ARHGAP9: variants seen among roughly 807,000 people sequenced by gnomAD.
ARHGAP9 encodes the protein rho GTPase-activating protein 9.
In ARHGAP9, 76 loss-of-function variants were observed where a neutral mutation model predicts 87.3. That is an observed-to-expected ratio of 0.87 (90% CI 0.72 to 1.05). The LOEUF (loss-of-function observed/expected upper bound fraction) is 1.05, where lower values mean the gene tolerates loss of function less well. Ranked by LOEUF, ARHGAP9 falls within the 50% of genes least tolerant of loss-of-function variation. ARHGAP9 has a pLI of 0.00. For synonymous variants in ARHGAP9, 382 were observed against 394.9 expected (o/e 0.97, Z 0.39); for missense variants, 941 against 960.5 (o/e 0.98, Z 0.27).
At chr12:57,474,808 G>C in intron 13 of ARHGAP9, 67 bp downstream of exon 13, 2 of 1,605,238 alleles carry the variant, frequency 1.2e-6, no homozygotes, top group Non-Finnish European at 1.7e-6. Flanking sequence ...TAGGTAGAAT[G>C]GGGGAGGCAG....
In ARHGAP9 at chr12:57,477,274, G is replaced by T; in HGVS notation, c.757-5C>A. 1 of 1,555,154 alleles carries T rather than the reference G, an allele frequency of 6.4e-7. No homozygotes were observed. Among genetic ancestry groups the T allele is most frequent in the Non-Finnish European group, 8.7e-7 (1 of 1,150,942 alleles). ...CCCCTCCATGGAGCCAGGGTTCTGG[G>T]TTAGGGGAGGAGGAAATAAAGCTAC... is the stretch of plus-strand genomic sequence containing the variant. On this transcript the variant is annotated splice_region_variant and splice_polypyrimidine_tract_variant and intron_variant, in intron 4 of 17. Transcript: ENST00000393791.
chr12:57,480,726 C>G (rs1346061583), upstream of ARHGAP9: 72 of 1,506,870 alleles, frequency 4.8e-5, 3 homozygotes, highest in South Asian at 7.9e-4. Context: ...TGGGAAGTGA[C>G]CTTCCCTGGA....
At position 57,474,466 on chromosome 12, in the gene ARHGAP9, G is replaced by A. The variant is rs1014825714; in HGVS notation, c.1740C>T (p.Val580=). The A allele has an allele frequency of 6.2e-7, 1 of 1,614,016 alleles. No individual in the cohort carries two copies. The highest frequency in any genetic ancestry group is 8.5e-7 in the Non-Finnish European group (1 of 1,180,048). The change falls in exon 15 of 18, where the codon GTC becomes GTT. Residue 580 remains valine (V), a synonymous_variant. Transcript: ENST00000393791. ...GGAACACATACCTCCCATCGGAGGT[G>A]ACCGCACGCTCTGCAACATGAATGA... ...LRFLVDRERA[V]TSDGRYVFPE...
rs1873505295 is a variant in ARHGAP9, at chr12:57,476,016, T to C, written c.1212+55A>G. On this transcript the variant is annotated intron_variant, in intron 9 of 17. Coordinates refer to ENST00000393791, the MANE Select transcript of ARHGAP9 (RefSeq NM_032496.4). ...CCTAGCGGGAGGCCTGCGCGGGAGA[T>C]TGGGGGCGCCCTCGGGTCGGGTGGG... The C allele has an allele frequency of 2.6e-5, 39 of 1,508,378 alleles. 1 individual carries two copies. In the South Asian group the frequency reaches 3.8e-4, roughly 15 times the overall value. 93.4% of individuals were successfully genotyped at this position (1,508,378 alleles called of 1,614,324 possible). A position where few individuals can be genotyped will look rare whatever the true frequency, so the allele number is the denominator to read the frequency against.
intron 17 of ARHGAP9, among the ~76,000 whole-genome samples, chr12:57,472,907 G>A (rs139783654): frequency 3.9e-5 from 6 of 152,260 alleles, no homozygotes; most frequent in African/African-American, 1.2e-4. Flanking sequence ...CGACTTCAGG[G>A]GCTGCCCCAA....
chr12:57,475,817 C>A lies in ARHGAP9; in HGVS notation c.1311+16G>T. Reference sequence around the variant, plus strand: ...CGGCCGGTCGGAGCCTCCCTCCGGGCCTCCACCCATCTAACCAGCCGCTCG... The same window carrying A: ...CGGCCGGTCGGAGCCTCCCTCCGGGACTCCACCCATCTAACCAGCCGCTCG... On this transcript the variant is annotated intron_variant, in intron 10 of 17. Transcript: ENST00000393791. The A allele has an allele frequency of 6.2e-7, 1 of 1,612,956 alleles. No individual in the cohort carries two copies. Among genetic ancestry groups the A allele is most frequent in the South Asian group, 1.1e-5 (1 of 90,952 alleles).
Position 57,472,486 on chromosome 12 carries a change from G to C in ARHGAP9, c.*31C>G. The C allele has an allele frequency of 1.2e-6, 2 of 1,610,004 alleles. No individual in the cohort carries two copies. The highest frequency in any genetic ancestry group is 1.7e-6 in the Non-Finnish European group (2 of 1,177,546). The stretch of plus-strand genomic sequence containing the variant: ...AGCCTCTCACCACCAGAGATGACCG[G>C]AAATATGTTTTCTCTTCTTCCTTCC... On this transcript the variant is annotated 3_prime_UTR_variant, in exon 18 of 18. Coordinates refer to ENST00000393791, the MANE Select transcript of ARHGAP9 (RefSeq NM_032496.4).
rs751690501 is a variant in ARHGAP9 at position 57,476,466 on chromosome 12, G to A, written c.1026-12C>T. 6.2e-7 allele frequency: 1 copy of A among 1,613,994 alleles called. No individual in the cohort carries two copies. Among genetic ancestry groups the A allele is most frequent in the African/African-American group, 1.3e-5 (1 of 75,056 alleles). On this transcript the variant is annotated splice_polypyrimidine_tract_variant and intron_variant, in intron 7 of 17. Transcript: ENST00000393791. The stretch of plus-strand genomic sequence containing the variant: ...GGCCCCAGTTCTTCCTGCGGGGACA[G>A]AGAGGGGAGGTAGTGGTAGCGAACA...
chr12:57,479,197 G>A lies in ARHGAP9; in HGVS notation c.210C>T (p.Pro70=). 1.9e-6 allele frequency: 3 copies of A among 1,614,208 alleles called. No homozygotes were observed. The highest frequency in any genetic ancestry group is 2.5e-6 in the Non-Finnish European group (3 of 1,180,040). Reference sequence around the variant, plus strand: ...GGACGAAGATGGGTCGAGAGGTGGAGGGAGCTTCTAGGCGTCTTGCCAACC... The same window carrying A: ...GGACGAAGATGGGTCGAGAGGTGGAAGGAGCTTCTAGGCGTCTTGCCAACC... ...DWWLARRLEA[P]STSRPIFVPA... Residue 70 remains proline (P), a synonymous_variant, in exon 2 of 18, where the codon CCC becomes CCT. Coordinates refer to ENST00000393791, the MANE Select transcript of ARHGAP9 (RefSeq NM_032496.4).
upstream of ARHGAP9, among the ~76,000 whole-genome samples, chr12:57,481,554 C>G (rs898123510): frequency 6.6e-6 from 1 of 152,090 alleles, no homozygotes; most frequent in African/African-American, 2.4e-5. Context: ...TCCAGCCTCT[C>G]TCTTTCTTTT....
At chr12:57,476,224 C>A (rs1030526394) in intron 8 of ARHGAP9, 58 bp from the exon 9 acceptor site, 1 of 1,500,074 alleles carries the variant, frequency 6.7e-7, no homozygotes, top group South Asian at 1.3e-5. Context: ...GCTTCCCTCT[C>A]CCCGGTGGGC....
At chr12:57,480,842 G>C (rs1874934055), upstream of ARHGAP9, 7 of 1,550,328 alleles carry the variant, frequency 4.5e-6, no homozygotes, top group Non-Finnish European at 5.2e-6. Flanking sequence ...TTTCTGTTTG[G>C]GTTTGGAGAG....
intron 1 of ARHGAP9, among the ~76,000 whole-genome samples, chr12:57,486,807 C>A (rs1419179343): frequency 1.4e-5 from 2 of 147,950 alleles, no homozygotes; most frequent in Non-Finnish European, 3.0e-5. Context: ...ATGGCGTGAA[C>A]CCCGGGGGAC....
At chr12:57,475,081 G>C in intron 12 of ARHGAP9, 108 bp from the exon 13 acceptor site, 2 of 1,266,628 alleles carry the variant, frequency 1.6e-6, no homozygotes, top group South Asian at 1.3e-5. Flanking sequence ...GGCTGCCTGT[G>C]CCAGGCCTGG....
Position 57,476,192 on chromosome 12 carries a change from C to T in ARHGAP9, c.1117-26G>A, listed in dbSNP as rs573555231. On this transcript the variant is annotated intron_variant, in intron 8 of 17. Coordinates refer to ENST00000393791, the MANE Select transcript of ARHGAP9 (RefSeq NM_032496.4). ...CTGACAATGAGGGAGGAAACTGAGG[C>T]CACGGTGTTGTTTCCTTCACTGCTT... The T allele has an allele frequency of 8.5e-6, 13 of 1,526,796 alleles. No homozygotes were observed. In the East Asian group the frequency reaches 9.8e-5, roughly 12 times the overall value. The allele number at this position is 1,526,796 out of a possible 1,614,324, so 94.6% of individuals were successfully genotyped here. A position where few individuals can be genotyped will look rare whatever the true frequency, so the allele number is the denominator to read the frequency against.
chr12:57,478,359 C>A, intron 3 of ARHGAP9, 181 bp downstream of exon 3: 1 of 660,488 alleles, frequency 1.5e-6, no homozygotes, highest in Non-Finnish European at 2.5e-6. Context: ...ACAGATGTCT[C>A]CCCGCACCAC....
Position 57,476,115 on chromosome 12 carries a change from G to T in ARHGAP9, c.1168C>A (p.Leu390Met), listed in dbSNP as rs1308408446. ...CTGGACAGGTGGCGGCCGTGCGCCA[G>T]GGCCGCCCCGCGCAGGTCCACGCTA... is the stretch of plus-strand genomic sequence containing the variant. ...ESSVDLRGAA[L>M]AHGRHLSSRR... Residue 390 changes from leucine (L) to methionine (M), a missense_variant, in exon 9 of 18, where the codon CTG (leucine) becomes ATG (methionine). By Grantham distance (15) the Leu-to-Met change is conservative. Transcript: ENST00000393791. The T allele has an allele frequency of 6.5e-7, 1 of 1,541,244 alleles. No individual in the cohort carries two copies. The highest frequency in any genetic ancestry group is 1.2e-5 in the South Asian group (1 of 83,542).
In ARHGAP9 at chr12:57,478,723, C is replaced by A. The variant is rs368912616; in HGVS notation, c.351G>T (p.Leu117Phe). 2 of 1,613,022 alleles carry A rather than the reference C, an allele frequency of 1.2e-6. No homozygotes were observed. Among genetic ancestry groups the A allele is most frequent in the East Asian group, 4.5e-5 (2 of 44,840 alleles). ...PKLFHGSLEE[L>F]SQALPSRAQA... ...GAGCCCTGCTTGGGAGGGCCTGAGA[C>A]AACTCCTCCAGGGAACCATGAAACA... The change falls in exon 3 of 18, where the codon TTG (leucine) becomes TTT (phenylalanine). Residue 117 changes from leucine (L) to phenylalanine (F), a missense_variant. Coordinates refer to ENST00000393791, the MANE Select transcript of ARHGAP9 (RefSeq NM_032496.4).
chr12:57,487,096 G>C (rs1875478988), intron 1 of ARHGAP9, among the ~76,000 whole-genome samples: 1 of 151,424 alleles, frequency 6.6e-6, no homozygotes, highest in South Asian at 2.1e-4. Context: ...TTTTGCCTCA[G>C]TCTCCCGGGT....
Sources: allele counts gnomAD v4.1 joint callset (sites outside exome capture counted in the v4.1 genomes callset), GRCh38; gene constraint gnomAD v4.1.1; transcripts MANE v1.5; gene names NCBI Gene and HGNC (gene_info 2026-07-23, HGNC 2026-07-21).